MAST4: variants seen among roughly 807,000 people sequenced by gnomAD.
The protein encoded by MAST4 is microtubule-associated serine/threonine-protein kinase 4.
In MAST4, 89 loss-of-function variants were observed where a neutral mutation model predicts 162.7. The observed-to-expected ratio is 0.55, with a 90% confidence interval of 0.46 to 0.65. The LOEUF (loss-of-function observed/expected upper bound fraction) is 0.65. Ranked by LOEUF, MAST4 falls within the 30% of genes least tolerant of loss-of-function variation. The probability of loss-of-function intolerance (pLI) is 0.00; values close to 1 mark genes in which losing one functional copy is unlikely to be tolerated. For synonymous variants in MAST4, 1,479 were observed against 1,361.1 expected, an observed-to-expected ratio of 1.09 and a Z score of -1.91; for missense variants, 3,153 against 3,374.0, an observed-to-expected ratio of 0.93 and a Z score of 1.62.
chr5:67,110,359 T>A (rs1766094945), intron 11 of MAST4, among the ~76,000 whole-genome samples, 160 bp downstream of exon 11: 1 of 152,228 alleles, frequency 6.6e-6, no homozygotes, highest in Non-Finnish European at 1.5e-5. Context: ...ATATGTGACT[T>A]GTCCTTTCTG....
At chr5:67,134,498 T>G in intron 17 of MAST4, 25 bp from the exon 18 acceptor site, 1 of 1,600,322 alleles carries the variant, frequency 6.2e-7, no homozygotes, top group Non-Finnish European at 8.5e-7. Context: ...ATTCCAATTA[T>G]TCTAATATTG....
chr5:67,077,102 CTGGCCTG>C (rs1761745930), intron 5 of MAST4, among the ~76,000 whole-genome samples: 1 of 152,184 alleles, frequency 6.6e-6, no homozygotes, highest in South Asian at 2.1e-4. Context: ...CTTAAGGTGT[CTGGCCTG>C]GTCTGGCCTA....
At chr5:66,710,705 C>G (rs557836327) in intron 1 of MAST4, among the ~76,000 whole-genome samples, 1 of 152,074 alleles carries the variant, frequency 6.6e-6, no homozygotes, top group Admixed American at 6.5e-5. Flanking sequence ...GTGGACCCGC[C>G]GTCTGGGTTG....
chr5:66,759,682 G>T lies in MAST4; in HGVS notation c.364-27G>T, dbSNP rs773548024. 6.2e-6 allele frequency: 10 copies of T among 1,612,658 alleles called. No homozygotes were observed. The East Asian group carries it at 2.2e-4, about 36-fold the overall frequency. ...CTAGGCTGTGTTGATGCCCTAGCCA[G>T]TGATGCCATTCTTCCTCTTTCTGCA... On this transcript the variant is annotated intron_variant, in intron 1 of 28. Coordinates refer to ENST00000403625, the MANE Select transcript of MAST4 (RefSeq NM_001164664.2).
chr5:66,656,801 AT>A (rs1268337764), intron 1 of MAST4, among the ~76,000 whole-genome samples: 2 of 152,214 alleles, frequency 1.3e-5, no homozygotes, highest in Admixed American at 6.5e-5. Context: ...GCCCACATGT[AT>A]TTTATAAATT....
chr5:66,809,677 A>G (rs1756382679), intron 3 of MAST4, among the ~76,000 whole-genome samples: 1 of 152,226 alleles, frequency 6.6e-6, no homozygotes, highest in Non-Finnish European at 1.5e-5. Flanking sequence ...TCTCCCTGTG[A>G]ATAATTATTG....
chr5:66,610,476 A>G (rs1743217417), intron 1 of MAST4, among the ~76,000 whole-genome samples: 1 of 124,282 alleles, frequency 8.0e-6, no homozygotes, highest in Non-Finnish European at 1.7e-5. Flanking sequence ...CTGAAAAGCC[A>G]AAGGCTGTTT....
chr5:66,733,751 G>T (rs1055612312), intron 1 of MAST4, among the ~76,000 whole-genome samples: 1 of 133,820 alleles, frequency 7.5e-6, no homozygotes, highest in Non-Finnish European at 1.6e-5. Context: ...GAGCCACTGC[G>T]CCCAGCCAAC....
chr5:66,778,879 T>G (rs1280750904), intron 2 of MAST4, among the ~76,000 whole-genome samples: 2 of 152,162 alleles, frequency 1.3e-5, no homozygotes, highest in Non-Finnish European at 2.9e-5. Context: ...TGTTCTGTTG[T>G]TTTTCACCCA....
At chr5:66,873,386 A>AT (rs540948864) in intron 3 of MAST4, among the ~76,000 whole-genome samples, 210 of 152,280 alleles carry the variant, frequency 1.4e-3, no homozygotes, top group African/African-American at 4.9e-3. Context: ...GCACTATGTC[A>AT]TTTTCAACTC....
chr5:67,004,569 C>G (rs993289340), intron 4 of MAST4: 7 of 164,496 alleles, frequency 4.3e-5, no homozygotes, highest in South Asian at 1.6e-4. Flanking sequence ...ACCAAAGCCT[C>G]AAAATAGTCG....
At chr5:66,938,952 G>T (rs1434909641) in intron 4 of MAST4, among the ~76,000 whole-genome samples, 1 of 152,078 alleles carries the variant, frequency 6.6e-6, no homozygotes, top group Non-Finnish European at 1.5e-5. Flanking sequence ...CAGTTTTTTA[G>T]TATAATACCT....
chr5:66,736,377 CT>C lies in MAST4; in HGVS notation c.364-23331del, dbSNP rs371114020. On this transcript the variant is annotated intron_variant, in intron 1 of 28. Transcript: ENST00000403625. ...CCTTGCCTTATATGTGCCTCTTAGC[CT>C]GCTGACACACACACACACACACACA... 3.3e-3 allele frequency among the ~76,000 whole-genome samples: 462 copies of C among 141,028 alleles called. 1 individual carries two copies. Among genetic ancestry groups the C allele is most frequent in the African/African-American group, 0.012 (437 of 36,196 alleles). The allele number at this position is 141,028 out of a possible 152,430, so 92.5% of individuals were successfully genotyped here. A position where few individuals can be genotyped will look rare whatever the true frequency, so the allele number is the denominator to read the frequency against.
At chr5:66,753,348 T>A (rs1753309745) in intron 1 of MAST4, among the ~76,000 whole-genome samples, 1 of 151,420 alleles carries the variant, frequency 6.6e-6, no homozygotes, top group Non-Finnish European at 1.5e-5. Flanking sequence ...TTCAAAAAAT[T>A]AATGAATCCA....
intron 4 of MAST4, chr5:67,001,270 C>T (rs1751264187): frequency 6.6e-6 from 1 of 152,200 alleles, no homozygotes; most frequent in Admixed American, 6.5e-5. Context: ...CAAATCAAGT[C>T]AAACAGGTTA....
intron 1 of MAST4, among the ~76,000 whole-genome samples, chr5:66,731,127 C>G (rs1751824121): frequency 6.6e-6 from 1 of 152,158 alleles, no homozygotes; most frequent in African/African-American, 2.4e-5. Flanking sequence ...AGATGGGCCA[C>G]AGGTAATTGT....
intron 1 of MAST4, among the ~76,000 whole-genome samples, chr5:66,633,487 C>T (rs1338936681): frequency 3.9e-5 from 6 of 152,076 alleles, no homozygotes; most frequent in Non-Finnish European, 8.8e-5. Context: ...AGAGTCAATC[C>T]AATGTTTTTT....
chr5:67,052,882 G>A (rs958708765), intron 4 of MAST4, among the ~76,000 whole-genome samples: 1 of 151,926 alleles, frequency 6.6e-6, no homozygotes, highest in African/African-American at 2.4e-5. Flanking sequence ...TAATATTTCT[G>A]TATTGGAATG....
chr5:66,922,396 T>C (rs866891123), intron 4 of MAST4, among the ~76,000 whole-genome samples: 54 of 152,236 alleles, frequency 3.5e-4, no homozygotes, highest in African/African-American at 1.2e-3. Context: ...GCTGGTGACA[T>C]GTACTGCCAG....
Sources: gnomAD v4.1 joint callset for allele counts (sites outside exome capture counted in the v4.1 genomes callset) on GRCh38, gnomAD v4.1.1 for gene constraint, MANE v1.5 for transcripts, NCBI Gene and HGNC (gene_info 2026-07-23, HGNC 2026-07-21) for gene names.